ZNF804B: variants seen among roughly 807,000 people sequenced by gnomAD.
ZNF804B encodes zinc finger protein 804B, also known as zinc finger 804B.
A neutral mutation model predicts 101.4 loss-of-function variants in ZNF804B; 80 were observed. The ratio of observed to expected loss-of-function variants is 0.79; its 90% CI spans 0.66 to 0.95. The LOEUF (loss-of-function observed/expected upper bound fraction) is 0.95, where lower values mean the gene tolerates loss of function less well. ZNF804B is among the 40% of genes least tolerant of loss of function. ZNF804B has a pLI of 0.00. For missense variants in ZNF804B, 1,673 were observed against 1,561.9 expected, an observed-to-expected ratio of 1.07 and a Z score of -1.20; for synonymous variants, 622 against 558.8, an observed-to-expected ratio of 1.11 and a Z score of -1.59.
chr7:88,943,691 G>T (rs951990172), intron 1 of ZNF804B, among the ~76,000 whole-genome samples: 1 of 151,744 alleles, frequency 6.6e-6, no homozygotes, highest in Non-Finnish European at 1.5e-5. Flanking sequence ...ATGAAGATAT[G>T]CAACATTCTC....
intron 2 of ZNF804B, among the ~76,000 whole-genome samples, chr7:89,263,747 G>A (rs1789744071): frequency 1.3e-5 from 2 of 152,092 alleles, no homozygotes; most frequent in Admixed American, 6.5e-5. Flanking sequence ...AAAGATAGAG[G>A]CAAAGATGGG....
chr7:89,171,281 TGC>T (rs879616865), intron 1 of ZNF804B, among the ~76,000 whole-genome samples: 4,440 of 73,708 alleles, frequency 0.06, 210 homozygotes, highest in Middle Eastern at 0.12. Context: ...CAAATAATGC[TGC>T]TGCTGCTTCT....
intron 1 of ZNF804B, among the ~76,000 whole-genome samples, chr7:88,954,565 C>T (rs534684556): frequency 1.3e-5 from 2 of 150,568 alleles, no homozygotes; most frequent in African/African-American, 4.9e-5. Flanking sequence ...GCCCCCCCCC[C>T]ACCACGGGTG....
chr7:88,831,693 C>T (rs1298119613), intron 1 of ZNF804B, among the ~76,000 whole-genome samples: 1 of 151,840 alleles, frequency 6.6e-6, no homozygotes, highest in African/African-American at 2.4e-5. Context: ...AAAGATGCTT[C>T]TAACTCTCTG....
Position 89,165,536 on chromosome 7 carries a change from G to A in ZNF804B, c.109-52619G>A, listed in dbSNP as rs374479295. 3.3e-4 allele frequency among the ~76,000 whole-genome samples: 50 copies of A among 152,164 alleles called. 1 individual carries two copies. In the East Asian group the frequency reaches 6.4e-3, roughly 19 times the overall value. ...TGTATATATGAATAATTTTTTGGAA[G>A]GCAGAATCCCTTAAGATAGGAGTTT... On this transcript the variant is annotated intron_variant, in intron 1 of 3. Transcript: ENST00000333190.
At chr7:89,275,467 C>T (rs1172185624) in intron 2 of ZNF804B, among the ~76,000 whole-genome samples, 1 of 151,870 alleles carries the variant, frequency 6.6e-6, no homozygotes, top group Non-Finnish European at 1.5e-5. Flanking sequence ...TGATCTGGTG[C>T]TTCCTGCTGC....
intron 1 of ZNF804B, among the ~76,000 whole-genome samples, chr7:88,919,395 G>A (rs1360146071): frequency 1.3e-5 from 2 of 152,098 alleles, no homozygotes; most frequent in Non-Finnish European, 2.9e-5. Flanking sequence ...AACCAGAAAA[G>A]GATGTTGTAT....
chr7:89,093,305 T>C (rs944508490), intron 1 of ZNF804B, among the ~76,000 whole-genome samples: 2 of 152,224 alleles, frequency 1.3e-5, no homozygotes, highest in African/African-American at 2.4e-5. Flanking sequence ...CCTTTTGTCT[T>C]GATGAAACTT....
chr7:89,124,327 C>T (rs910861740), intron 1 of ZNF804B, among the ~76,000 whole-genome samples: 7 of 152,214 alleles, frequency 4.6e-5, no homozygotes, highest in African/African-American at 7.2e-5. Context: ...CTCTATCCTA[C>T]GCAGAAGAGC....
At chr7:89,176,571 T>TTTC (rs1791322106) in intron 1 of ZNF804B, among the ~76,000 whole-genome samples, 1 of 123,696 alleles carries the variant, frequency 8.1e-6, no homozygotes, top group African/African-American at 3.1e-5. Context: ...CTTTTCTTTT[T>TTTC]TTTCTTTCTT....
rs555598345 is a variant in ZNF804B at position 89,214,164 on chromosome 7, G to A, written c.109-3991G>A. Among the ~76,000 whole-genome samples the A allele has an allele frequency of 1.2e-4, 19 of 152,200 alleles. No individual in the cohort carries two copies. The East Asian group carries it at 1.5e-3, about 12-fold the overall frequency. ...ACAAAAAATGCCCATTGGCATTACC[G>A]AATGTTTTAAAAATGACTCTTGTTA... On this transcript the variant is annotated intron_variant, in intron 1 of 3. Transcript: ENST00000333190.
chr7:88,769,386 C>T (rs1790030526), intron 1 of ZNF804B, among the ~76,000 whole-genome samples: 2 of 152,188 alleles, frequency 1.3e-5, no homozygotes, highest in South Asian at 4.1e-4. Flanking sequence ...ATCATTTGGT[C>T]AATTGCTTTA....
intron 1 of ZNF804B, among the ~76,000 whole-genome samples, chr7:88,863,810 G>T (rs543172922): frequency 2.0e-4 from 30 of 152,286 alleles, no homozygotes; most frequent in African/African-American, 6.7e-4. Flanking sequence ...ATGTCTGTCT[G>T]GAGGCAGAAA....
rs1192052160 is a variant in ZNF804B, at chr7:88,854,545, T to TCCCTTC, written c.108+94463_108+94464insCTTCCC. On this transcript the variant is annotated intron_variant, in intron 1 of 3. Transcript: ENST00000333190. ...TCCTTCCTTTCCTTCCTTCCTTCCTTCCTTCCTTCCTTCCTTCCTTCCTTC... is the reference window on the plus strand; with the variant it reads ...TCCTTCCTTTCCTTCCTTCCTTCCTTCCCTTCCCTTCCTTCCTTCCTTCCTTCCTTC... 4.7e-4 allele frequency among the ~76,000 whole-genome samples: 47 copies of TCCCTTC among 100,474 alleles called. No homozygotes were observed. The East Asian group carries it at 8.6e-3, about 18-fold the overall frequency. 65.9% of individuals were successfully genotyped at this position (100,474 alleles called of 152,430 possible). A position where few individuals can be genotyped will look rare whatever the true frequency, so the allele number is the denominator to read the frequency against.
At position 88,759,925 on chromosome 7, in the gene ZNF804B, C is replaced by A. The variant is rs141167220; in HGVS notation, c.-52C>A. ...CGCTGAGAAACCCGCCCGCTTTCCA[C>A]GGCTGGTCGCCTGGTGAGGAGTTGA... On this transcript the variant is annotated 5_prime_UTR_variant, in exon 1 of 4. Coordinates refer to ENST00000333190, the MANE Select transcript of ZNF804B (RefSeq NM_181646.5). 19 of 1,526,808 alleles carry A rather than the reference C, an allele frequency of 1.2e-5. No homozygotes were observed. The highest frequency in any genetic ancestry group is 1.6e-5 in the Non-Finnish European group (18 of 1,103,162). 94.6% of individuals were successfully genotyped at this position (1,526,808 alleles called of 1,614,324 possible).
intron 1 of ZNF804B, among the ~76,000 whole-genome samples, chr7:88,990,805 A>G (rs999633224): frequency 7.2e-5 from 11 of 152,118 alleles, no homozygotes; most frequent in Non-Finnish European, 2.9e-5. Context: ...ATATCCATCC[A>G]TTTATCTATA....
At chr7:89,294,707 A>C (rs1408041550) in intron 2 of ZNF804B, among the ~76,000 whole-genome samples, 1 of 151,732 alleles carries the variant, frequency 6.6e-6, no homozygotes, top group East Asian at 1.9e-4. Context: ...CTGATATTAA[A>C]ATTTTAGGGC....
chr7:89,145,598 G>T (rs140255664), intron 1 of ZNF804B, among the ~76,000 whole-genome samples: 1,583 of 152,040 alleles, frequency 0.01, 21 homozygotes, highest in Non-Finnish European at 0.011. Flanking sequence ...GAAATGGCTT[G>T]TACTACCTAA....
chr7:89,004,055 CAAAAA>C (rs5885649), intron 1 of ZNF804B, among the ~76,000 whole-genome samples: 2 of 112,162 alleles, frequency 1.8e-5, no homozygotes, highest in Admixed American at 9.1e-5. Flanking sequence ...CCTGAATGAG[CAAAAA>C]AAAAAAAAAA....
Sources: allele counts gnomAD v4.1 joint callset (sites outside exome capture counted in the v4.1 genomes callset), GRCh38; gene constraint gnomAD v4.1.1; transcripts MANE v1.5; gene names NCBI Gene and HGNC (gene_info 2026-07-23, HGNC 2026-07-21).